Variants in CPO observed in about 807,000 individuals in gnomAD.
CPO encodes metallocarboxypeptidase C.
A neutral mutation model predicts 41.2 loss-of-function variants in CPO; 43 were observed. The observed-to-expected ratio is 1.04, with a 90% CI of 0.82 to 1.35. CPO has a LOEUF of 1.35. CPO is among the 40% of genes most tolerant of loss of function. The probability of loss-of-function intolerance (pLI) is 0.00; values close to 1 mark genes in which losing one functional copy is unlikely to be tolerated. For missense variants in CPO, 408 were observed against 451.7 expected, an observed-to-expected ratio of 0.90 and a Z score of 0.88; for synonymous variants, 178 against 162.7, an observed-to-expected ratio of 1.09 and a Z score of -0.72.
chr2:206,962,538 C>T lies in CPO; in HGVS notation c.701C>T (p.Thr234Ile), dbSNP rs1234876915. 6.2e-7 allele frequency: 1 copy of T among 1,613,986 alleles called. No individual in the cohort carries two copies. The highest frequency in any genetic ancestry group is 1.3e-5 in the African/African-American group (1 of 74,910). ...SKKDDILCFL[T>I]MHSYGQLILT... ...AAGGATGATATTTTGTGCTTCCTGA[C>T]CATGCACTCTTATGGGCAGTTAATT... Residue 234 changes from threonine (T) to isoleucine (I), a missense_variant, in exon 7 of 9, where the codon ACC becomes ATC. Transcript: ENST00000272852.
Position 206,939,609 on chromosome 2 carries a change from C to G in CPO, c.10C>G (p.Leu4Val). The G allele has an allele frequency of 1.2e-6, 2 of 1,611,046 alleles. No individual in the cohort carries two copies. The highest frequency in any genetic ancestry group is 1.1e-5 in the South Asian group (1 of 90,968). The part of the protein sequence containing the change: MKP[L>V]LETLYLLGML... ...CTTACTGTGTGGCAGAATGAAGCCT[C>G]TGCTTGAAACCCTTTATCTTTTGGG... is the stretch of plus-strand genomic sequence containing the variant. The change falls in exon 1 of 9, where the codon CTG (leucine) becomes GTG (valine). Residue 4 changes from leucine to valine, a missense_variant. By Grantham distance (32) the Leu-to-Val change is conservative. Transcript: ENST00000272852.
At chr2:206,968,811 A>G (rs919821285) in intron 8 of CPO, among the ~76,000 whole-genome samples, 3 of 152,204 alleles carry the variant, frequency 2.0e-5, no homozygotes, top group South Asian at 2.1e-4. Flanking sequence ...AAATACCTGT[A>G]TAATATTTTT....
intron 7 of CPO, 132 bp from the exon 8 acceptor site, chr2:206,968,131 T>C: frequency 1.4e-6 from 1 of 702,988 alleles, no homozygotes. Context: ...GCTACCTAGA[T>C]GTAGATGTCC....
intron 3 of CPO, among the ~76,000 whole-genome samples, chr2:206,956,091 G>T (rs917065262): frequency 2.0e-5 from 3 of 152,038 alleles, no homozygotes; most frequent in African/African-American, 7.2e-5. Flanking sequence ...GGTCTCCAGC[G>T]TCTCCTACCC....
At chr2:206,958,178 T>G (rs1693406791) in intron 3 of CPO, 123 bp from the exon 4 acceptor site, 1 of 560,488 alleles carries the variant, frequency 1.8e-6, no homozygotes, top group Non-Finnish European at 3.2e-6. Context: ...CTTGCCTCCC[T>G]CTTGAAACCA....
Position 206,948,092 on chromosome 2 carries a change from T to C in CPO, c.69-1525T>C, listed in dbSNP as rs183973981. 2.8e-3 allele frequency among the ~76,000 whole-genome samples: 420 copies of C among 152,286 alleles called. 2 individuals carry two copies. The highest frequency in any genetic ancestry group is 9.7e-3 in the African/African-American group (403 of 41,568). The stretch of plus-strand genomic sequence containing the variant: ...ACTCTTTAGTATTTATCCAAATGAA[T>C]TGAAAACATGTCAACATAAAAATCT... On this transcript the variant is annotated intron_variant, in intron 1 of 8. Coordinates refer to ENST00000272852, the MANE Select transcript of CPO (RefSeq NM_173077.3).
In CPO at chr2:206,961,400, C is replaced by T. The variant is rs971936175; in HGVS notation, c.574+458C>T. On this transcript the variant is annotated intron_variant, in intron 6 of 8. Coordinates refer to ENST00000272852, the MANE Select transcript of CPO (RefSeq NM_173077.3). ...ATAAAGAAGGAGGAATGGCTGAGAACGTTGCCATTAACCAGATGGGAAGGG... is the reference window on the plus strand; with the variant it reads ...ATAAAGAAGGAGGAATGGCTGAGAATGTTGCCATTAACCAGATGGGAAGGG... Among the ~76,000 whole-genome samples the T allele has an allele frequency of 3.3e-5, 5 of 152,094 alleles. No individual in the cohort carries two copies. The East Asian group carries it at 5.8e-4, about 18-fold the overall frequency.
intron 4 of CPO, among the ~76,000 whole-genome samples, chr2:206,958,629 T>C (rs774460076): frequency 7.9e-5 from 12 of 151,422 alleles, no homozygotes; most frequent in Non-Finnish European, 1.6e-4. Context: ...TATTGGAGGG[T>C]AAACATATCT....
chr2:206,948,717 T>A (rs948766342), intron 1 of CPO, among the ~76,000 whole-genome samples: 1 of 152,196 alleles, frequency 6.6e-6, no homozygotes, highest in Non-Finnish European at 1.5e-5. Context: ...GCTATAATCA[T>A]ACCATTGCAG....
chr2:206,951,670 T>G (rs73983114), intron 2 of CPO, among the ~76,000 whole-genome samples: 2 of 152,250 alleles, frequency 1.3e-5, no homozygotes, highest in East Asian at 1.9e-4. Context: ...GTATCAGAGA[T>G]GAGTTCACAC....
chr2:206,948,789 T>C (rs1346031929), intron 1 of CPO, among the ~76,000 whole-genome samples: 1 of 152,146 alleles, frequency 6.6e-6, no homozygotes, highest in East Asian at 1.9e-4. Context: ...TTTAGTATTA[T>C]ACTGTAATGG....
At chr2:206,942,304 C>T (rs1342861495) in intron 1 of CPO, among the ~76,000 whole-genome samples, 2 of 152,048 alleles carry the variant, frequency 1.3e-5, no homozygotes, top group Non-Finnish European at 2.9e-5. Context: ...GCCAAAATAT[C>T]AGTAGCAGTT....
chr2:206,953,946 C>A lies in CPO; in HGVS notation c.166-1517C>A, dbSNP rs1003466361. Among the ~76,000 whole-genome samples, 5 of 152,308 alleles carry A rather than the reference C, an allele frequency of 3.3e-5. No homozygotes were observed. In the East Asian group the frequency reaches 9.7e-4, roughly 29 times the overall value. ...GGGCTTTCACCCTCTGAAGCCATGGCCTGAGCTGTACCTTGGCCCCATTTA... is the reference window on the plus strand; with the variant it reads ...GGGCTTTCACCCTCTGAAGCCATGGACTGAGCTGTACCTTGGCCCCATTTA... On this transcript the variant is annotated intron_variant, in intron 2 of 8. Coordinates refer to ENST00000272852, the MANE Select transcript of CPO (RefSeq NM_173077.3).
intron 7 of CPO, among the ~76,000 whole-genome samples, chr2:206,964,234 C>G (rs17639570): frequency 0.062 from 9,426 of 152,110 alleles, 414 homozygotes; most frequent in East Asian, 0.17. Flanking sequence ...TCCCAACAGT[C>G]AAAAATGTCC....
intron 8 of CPO, 98 bp from the exon 9 acceptor site, chr2:206,969,076 T>C: frequency 7.9e-7 from 1 of 1,260,682 alleles, no homozygotes; most frequent in Admixed American, 2.0e-5. Context: ...AAGAGCTTCT[T>C]TATTTTACTA....
chr2:206,941,368 A>G (rs977294952), intron 1 of CPO, among the ~76,000 whole-genome samples: 5 of 152,146 alleles, frequency 3.3e-5, no homozygotes, highest in African/African-American at 9.6e-5. Flanking sequence ...GAGGCTGTAT[A>G]TAAATCTAAT....
chr2:206,939,745 T>C (rs1004811936), intron 1 of CPO, 78 bp downstream of exon 1: 9 of 1,238,714 alleles, frequency 7.3e-6, no homozygotes, highest in Non-Finnish European at 1.0e-5. Flanking sequence ...TTAAGACCAA[T>C]GCAGCTGGCT....
chr2:206,967,348 TATAGATATATAGATATAG>T (rs1174621082), intron 7 of CPO, among the ~76,000 whole-genome samples: 3 of 110,244 alleles, frequency 2.7e-5, no homozygotes, highest in African/African-American at 3.9e-5. Context: ...TATATATATA[TATAGATATATAGATATAG>T]ATATAGATAT....
chr2:206,943,731 T>C (rs752786655), intron 1 of CPO, among the ~76,000 whole-genome samples: 1 of 22,574 alleles, frequency 4.4e-5, no homozygotes, highest in East Asian at 8.1e-4. Context: ...GGATAGATGA[T>C]AGATAGATAG....
Sources: allele counts gnomAD v4.1 joint callset (sites outside exome capture counted in the v4.1 genomes callset), GRCh38; gene constraint gnomAD v4.1.1; transcripts MANE v1.5; gene names NCBI Gene and HGNC (gene_info 2026-07-23, HGNC 2026-07-21).